The following SGCZ variants were observed in gnomAD, a reference collection of about 807,000 sequenced individuals.
The protein encoded by SGCZ is sarcoglycan zeta.
In SGCZ, 40 loss-of-function variants were observed where a neutral mutation model predicts 41.3. The ratio of observed to expected loss-of-function variants is 0.97; its 90% confidence interval spans 0.75 to 1.26. The LOEUF (loss-of-function observed/expected upper bound fraction) is 1.26, where lower values mean the gene tolerates loss of function less well. Among genes scored for constraint, SGCZ ranks in the 50% most tolerant of loss-of-function variants. SGCZ has a pLI of 0.00. For missense variants in SGCZ, 552 were observed against 369.8 expected, an observed-to-expected ratio of 1.49 and a Z score of -4.04; for synonymous variants, 206 against 137.5, an observed-to-expected ratio of 1.50 and a Z score of -3.49.
chr8:14,567,035 G>C (rs548890692), intron 1 of SGCZ, among the ~76,000 whole-genome samples: 29 of 152,340 alleles, frequency 1.9e-4, no homozygotes, highest in African/African-American at 5.5e-4. Context: ...CGGCTCCCCG[G>C]GGCTGTGCTC....
At chr8:14,377,633 C>T (rs1178734785) in intron 2 of SGCZ, among the ~76,000 whole-genome samples, 1 of 151,776 alleles carries the variant, frequency 6.6e-6, no homozygotes, top group Non-Finnish European at 1.5e-5. Context: ...CACCCACTAA[C>T]TCGTCATCTA....
intron 1 of SGCZ, among the ~76,000 whole-genome samples, chr8:15,080,294 T>G (rs1805691643): frequency 6.6e-6 from 1 of 152,032 alleles, no homozygotes; most frequent in Admixed American, 6.6e-5. Context: ...CCTGGCCACT[T>G]TGCATCCATC....
At chr8:14,568,488 C>G (rs1406912210) in intron 1 of SGCZ, among the ~76,000 whole-genome samples, 2 of 143,696 alleles carry the variant, frequency 1.4e-5, no homozygotes, top group African/African-American at 5.2e-5. Context: ...TTGTTCTTGA[C>G]TGAGACTTTT....
chr8:14,658,608 G>T (rs1488568839), intron 1 of SGCZ, among the ~76,000 whole-genome samples: 4 of 152,080 alleles, frequency 2.6e-5, no homozygotes, highest in Non-Finnish European at 1.5e-5. Flanking sequence ...CAGATCTCTT[G>T]AGTCCTGCTC....
intron 1 of SGCZ, among the ~76,000 whole-genome samples, chr8:14,939,967 T>G (rs965070330): frequency 3.9e-5 from 6 of 152,168 alleles, no homozygotes; most frequent in Non-Finnish European, 8.8e-5. Context: ...AAACATCTAT[T>G]TCAATTCTTA....
At chr8:14,691,067 T>C (rs1808784273) in intron 1 of SGCZ, among the ~76,000 whole-genome samples, 1 of 152,210 alleles carries the variant, frequency 6.6e-6, no homozygotes, top group South Asian at 2.1e-4. Context: ...TATGTATCAC[T>C]TTTTAGCATA....
rs1399154670 is a variant in SGCZ, at chr8:15,237,664, G to A, written c.-41C>T. 7 of 1,563,076 alleles carry A rather than the reference G, an allele frequency of 4.5e-6. No homozygotes were observed. The highest frequency in any genetic ancestry group is 4.1e-5 in the African/African-American group (3 of 73,610). On this transcript the variant is annotated 5_prime_UTR_variant, in exon 1 of 8. Coordinates refer to ENST00000382080, the MANE Select transcript of SGCZ (RefSeq NM_139167.4). ...GAAGTGGAGAGGAACCGGGCGAGTG[G>A]CACCCAAAAACAATCTAGTCTTTTA... is the stretch of plus-strand genomic sequence containing the variant.
rs534372979 is a variant in SGCZ at position 14,688,298 on chromosome 8, G to A, written c.40-133372C>T. The stretch of plus-strand genomic sequence containing the variant: ...CCTATGTCCTGAATGGTAATGCCTA[G>A]GTTTTCTTCTAGGGTTTTTATGGTT... On this transcript the variant is annotated intron_variant, in intron 1 of 7. Transcript: ENST00000382080. Among the ~76,000 whole-genome samples, 7 of 152,216 alleles carry A rather than the reference G, an allele frequency of 4.6e-5. No homozygotes were observed. In the South Asian group the frequency reaches 1.5e-3, roughly 32 times the overall value.
chr8:14,955,792 A>G (rs926549597), intron 1 of SGCZ, among the ~76,000 whole-genome samples: 26 of 152,142 alleles, frequency 1.7e-4, no homozygotes, highest in Non-Finnish European at 3.8e-4. Context: ...ATGTATATCA[A>G]CTCAAAACTT....
intron 3 of SGCZ, among the ~76,000 whole-genome samples, chr8:14,318,173 A>C (rs560652591): frequency 1.3e-5 from 2 of 151,836 alleles, no homozygotes; most frequent in Non-Finnish European, 2.9e-5. Flanking sequence ...GAAAGAAAGA[A>C]AGAAAGAAAC....
chr8:14,393,682 T>C (rs758262844), intron 2 of SGCZ, among the ~76,000 whole-genome samples: 10 of 152,184 alleles, frequency 6.6e-5, no homozygotes, highest in Non-Finnish European at 1.3e-4. Context: ...ATTAAACCTC[T>C]GTTGCTCAAT....
intron 1 of SGCZ, among the ~76,000 whole-genome samples, chr8:14,667,785 G>T (rs901707312): frequency 6.6e-6 from 1 of 152,098 alleles, no homozygotes; most frequent in Non-Finnish European, 1.5e-5. Context: ...CAAAGGGATA[G>T]TTGTTGAGAC....
chr8:14,716,180 A>G (rs1283811505), intron 1 of SGCZ, among the ~76,000 whole-genome samples: 2 of 151,790 alleles, frequency 1.3e-5, no homozygotes, highest in African/African-American at 2.4e-5. Flanking sequence ...CAAATTTAGA[A>G]CTTAATAAAA....
intron 2 of SGCZ, among the ~76,000 whole-genome samples, chr8:14,532,631 T>C (rs925822339): frequency 6.8e-6 from 1 of 147,236 alleles, no homozygotes; most frequent in Non-Finnish European, 1.5e-5. Context: ...ACTATCACCA[T>C]CTGAACTTTG....
At chr8:14,573,187 G>C (rs1205374631) in intron 1 of SGCZ, among the ~76,000 whole-genome samples, 2 of 123,348 alleles carry the variant, frequency 1.6e-5, no homozygotes, top group Admixed American at 1.7e-4. Context: ...TTCTTAGCAA[G>C]TCTTTTTTTT....
chr8:14,856,266 T>C (rs1412430288), intron 1 of SGCZ, among the ~76,000 whole-genome samples: 1 of 152,180 alleles, frequency 6.6e-6, no homozygotes, highest in Non-Finnish European at 1.5e-5. Flanking sequence ...ACATCGATGA[T>C]ACAGACTGTA....
chr8:14,346,761 A>G (rs1172049778), intron 2 of SGCZ, among the ~76,000 whole-genome samples: 1 of 152,092 alleles, frequency 6.6e-6, no homozygotes, highest in Non-Finnish European at 1.5e-5. Context: ...TAATTTTTGT[A>G]GTTAATGTTT....
chr8:14,286,233 C>G (rs1476018058), intron 3 of SGCZ, among the ~76,000 whole-genome samples: 1 of 152,022 alleles, frequency 6.6e-6, no homozygotes, highest in Non-Finnish European at 1.5e-5. Flanking sequence ...GTGACTTTGT[C>G]TATAGCATAT....
At chr8:14,171,047 T>G (rs1242531088) in intron 4 of SGCZ, among the ~76,000 whole-genome samples, 2 of 151,924 alleles carry the variant, frequency 1.3e-5, no homozygotes, top group Non-Finnish European at 2.9e-5. Flanking sequence ...ATGGAAGGTA[T>G]GTGGGTAGAA....
Sources: gnomAD v4.1 joint callset for allele counts (sites outside exome capture counted in the v4.1 genomes callset) on GRCh38, gnomAD v4.1.1 for gene constraint, MANE v1.5 for transcripts, NCBI Gene and HGNC (gene_info 2026-07-23, HGNC 2026-07-21) for gene names.